Variants in UVRAG observed in about 807,000 individuals in gnomAD.
UVRAG encodes the protein UV radiation resistance associated.
Under a neutral mutation model 78.0 loss-of-function variants are expected in UVRAG, and 19 were observed. The observed-to-expected ratio is 0.24, with a 90% CI of 0.17 to 0.36. UVRAG has a LOEUF of 0.36. Ranked by LOEUF, UVRAG falls within the 10% of genes least tolerant of loss-of-function variation. UVRAG has a pLI of 1.00. For synonymous variants in UVRAG, 323 were observed against 324.6 expected, an observed-to-expected ratio of 1.00 and a Z score of 0.05; for missense variants, 740 against 853.8, an observed-to-expected ratio of 0.87 and a Z score of 1.66.
At chr11:76,074,093 A>G (rs924655646) in intron 13 of UVRAG, among the ~76,000 whole-genome samples, 1 of 152,206 alleles carries the variant, frequency 6.6e-6, no homozygotes, top group Non-Finnish European at 1.5e-5. Context: ...TGCTATTGCT[A>G]TTTTTGGAAG....
chr11:76,013,802 G>A (rs1483585724), intron 11 of UVRAG, among the ~76,000 whole-genome samples: 1 of 152,156 alleles, frequency 6.6e-6, no homozygotes, highest in East Asian at 1.9e-4. Context: ...TGAGGGTATT[G>A]AAATACCCTT....
chr11:75,828,762 T>TACAC (rs1303941292), intron 1 of UVRAG, among the ~76,000 whole-genome samples: 3 of 113,062 alleles, frequency 2.7e-5, no homozygotes, highest in African/African-American at 8.1e-5. Flanking sequence ...CACATATATA[T>TACAC]ATATATATAT....
At chr11:75,839,324 G>A (rs956193767) in intron 1 of UVRAG, among the ~76,000 whole-genome samples, 18 of 152,052 alleles carry the variant, frequency 1.2e-4, no homozygotes, top group East Asian at 7.7e-4. Flanking sequence ...AGTGTTTTAT[G>A]TAGTAATTTT....
At chr11:76,058,457 C>T (rs1007648388) in intron 12 of UVRAG, among the ~76,000 whole-genome samples, 8 of 145,694 alleles carry the variant, frequency 5.5e-5, no homozygotes, top group South Asian at 2.2e-4. Context: ...TCCTTGTGCC[C>T]GGGAGGTCAG....
chr11:76,066,709 G>C (rs192467662), intron 13 of UVRAG, among the ~76,000 whole-genome samples: 190 of 152,266 alleles, frequency 1.2e-3, no homozygotes, highest in Non-Finnish European at 2.0e-3. Flanking sequence ...CTGACCTCGT[G>C]ATCCGCCTGC....
At chr11:76,019,512 G>A (rs1950202877) in intron 12 of UVRAG, among the ~76,000 whole-genome samples, 1 of 152,196 alleles carries the variant, frequency 6.6e-6, no homozygotes, top group Admixed American at 6.5e-5. Context: ...TTTTTGAAAG[G>A]ACTTGGATGT....
intron 12 of UVRAG, among the ~76,000 whole-genome samples, chr11:76,053,454 C>T (rs1950912772): frequency 6.6e-6 from 1 of 152,054 alleles, no homozygotes; most frequent in Non-Finnish European, 1.5e-5. Flanking sequence ...TTGACTCCTC[C>T]CCTCTTTACC....
At chr11:75,845,794 A>G (rs1443877499) in intron 1 of UVRAG, among the ~76,000 whole-genome samples, 2 of 151,926 alleles carry the variant, frequency 1.3e-5, no homozygotes, top group East Asian at 3.9e-4. Context: ...TGTACCCCAA[A>G]CCCTGAGACA....
chr11:75,961,425 C>T lies in UVRAG; in HGVS notation c.594-19C>T, dbSNP rs1182656635. 1 of 1,570,020 alleles carries T rather than the reference C, an allele frequency of 6.4e-7. No homozygotes were observed. On this transcript the variant is annotated intron_variant, in intron 6 of 14. Transcript: ENST00000356136. The stretch of plus-strand genomic sequence containing the variant: ...TTACTGTTAACTCATTTACATTTTT[C>T]TATAACTTATATTTCTAGGCTTCAT...
chr11:75,885,786 T>C (rs1947061928), intron 4 of UVRAG, among the ~76,000 whole-genome samples: 1 of 152,184 alleles, frequency 6.6e-6, no homozygotes, highest in Admixed American at 6.5e-5. Flanking sequence ...GTGTGCAATA[T>C]GATACAGCCA....
At chr11:75,945,903 AAG>A (rs913185842) in intron 6 of UVRAG, among the ~76,000 whole-genome samples, 29 of 152,170 alleles carry the variant, frequency 1.9e-4, no homozygotes, top group African/African-American at 7.0e-4. Flanking sequence ...CCCCTCCAAG[AAG>A]ACTTTTGCTT....
intron 12 of UVRAG, among the ~76,000 whole-genome samples, chr11:76,027,219 G>A (rs1228417361): frequency 6.6e-6 from 1 of 152,094 alleles, no homozygotes; most frequent in East Asian, 1.9e-4. Context: ...GATGGAAGAA[G>A]TATTTTTATC....
intron 3 of UVRAG, among the ~76,000 whole-genome samples, chr11:75,874,616 T>A (rs904014664): frequency 5.9e-5 from 9 of 152,226 alleles, no homozygotes; most frequent in Admixed American, 2.0e-4. Context: ...TTCAGCAGAT[T>A]AAATATTTGT....
At chr11:75,880,097 C>T (rs1180867562) in intron 4 of UVRAG, 57 bp downstream of exon 4, 9 of 1,578,974 alleles carry the variant, frequency 5.7e-6, no homozygotes, top group Non-Finnish European at 6.0e-6. Context: ...CGTGTCTAAC[C>T]TTTCTGTTGA....
chr11:76,047,462 T>G (rs1950781024), intron 12 of UVRAG, among the ~76,000 whole-genome samples: 2 of 152,178 alleles, frequency 1.3e-5, no homozygotes, highest in Admixed American at 1.3e-4. Context: ...ACCCTTAATT[T>G]TAGTATTGAC....
chr11:76,045,572 CTA>C (rs1410107226), intron 12 of UVRAG, among the ~76,000 whole-genome samples: 4 of 151,228 alleles, frequency 2.6e-5, no homozygotes, highest in African/African-American at 7.3e-5. Flanking sequence ...AGGGAAAGTA[CTA>C]TGTCCAAGAA....
chr11:76,054,155 G>A (rs1016829314), intron 12 of UVRAG, among the ~76,000 whole-genome samples: 7 of 151,862 alleles, frequency 4.6e-5, no homozygotes, highest in South Asian at 2.1e-4. Flanking sequence ...AATTTCACCC[G>A]TAATTTTATA....
chr11:76,094,850 A>G (rs1198544732), intron 13 of UVRAG, among the ~76,000 whole-genome samples: 3 of 152,158 alleles, frequency 2.0e-5, no homozygotes, highest in African/African-American at 4.8e-5. Context: ...AGAGTTCACT[A>G]GAGTGTAATT....
intron 14 of UVRAG, among the ~76,000 whole-genome samples, chr11:76,138,235 C>T (rs1164444529): frequency 6.6e-6 from 1 of 152,204 alleles, no homozygotes; most frequent in Non-Finnish European, 1.5e-5. Flanking sequence ...TTGTGGGACA[C>T]AATAGATAGG....
Sources: allele counts gnomAD v4.1 joint callset (sites outside exome capture counted in the v4.1 genomes callset), GRCh38; gene constraint gnomAD v4.1.1; transcripts MANE v1.5; gene names NCBI Gene and HGNC (gene_info 2026-07-23, HGNC 2026-07-21).